The following GIGYF2 variants were observed in gnomAD, a reference collection of about 807,000 sequenced individuals.
The protein encoded by GIGYF2 is GRB10 interacting GYF protein 2.
In GIGYF2, 25 loss-of-function variants were observed where a neutral mutation model predicts 208.1. The ratio of observed to expected loss-of-function variants is 0.12; its 90% confidence interval spans 0.09 to 0.17. GIGYF2 has a LOEUF of 0.17. Among genes scored for constraint, GIGYF2 ranks in the 10% least tolerant of loss-of-function variants. The pLI is 1.00. For missense variants in GIGYF2, 1,302 were observed against 1,579.4 expected (o/e 0.82, Z 2.98); for synonymous variants, 534 against 543.8 (o/e 0.98, Z 0.25).
chr2:232,857,765 A>G lies in GIGYF2; in HGVS notation c.*905A>G, dbSNP rs1263440433. ...GGCAGCTAGAATCTTTACCATATGTATGAATTTGTATAATTTCATTTTTGG... is the reference window on the plus strand; with the variant it reads ...GGCAGCTAGAATCTTTACCATATGTGTGAATTTGTATAATTTCATTTTTGG... On this transcript the variant is annotated 3_prime_UTR_variant, in exon 29 of 29. Coordinates refer to ENST00000373563, the MANE Select transcript of GIGYF2 (RefSeq NM_001103146.3). The G allele has an allele frequency of 6.6e-6, 1 of 152,616 alleles. No homozygotes were observed. Among genetic ancestry groups the G allele is most frequent in the Admixed American group, 6.5e-5 (1 of 15,272 alleles). 9.5% of individuals were successfully genotyped at this position (152,616 alleles called of 1,614,324 possible).
rs1427551330 is a variant in GIGYF2 at position 232,742,260 on chromosome 2, G to A, written c.42-5355G>A. ...GTGTGCCAGTGAAAAAAGAATTGGG[G>A]CTGGGCGCAGTGGCTCACCCCTATA... On this transcript the variant is annotated intron_variant, in intron 3 of 28. Coordinates refer to ENST00000373563, the MANE Select transcript of GIGYF2 (RefSeq NM_001103146.3). 2.0e-5 allele frequency among the ~76,000 whole-genome samples: 3 copies of A among 152,336 alleles called. No homozygotes were observed. In the East Asian group the frequency reaches 5.8e-4, roughly 29 times the overall value.
intron 23 of GIGYF2, chr2:232,842,893 A>C (rs1182002444): frequency 6.6e-6 from 1 of 152,232 alleles, no homozygotes; most frequent in East Asian, 1.9e-4. Context: ...GCCTAACTGC[A>C]CAGAGTGCGG....
intron 8 of GIGYF2, among the ~76,000 whole-genome samples, chr2:232,778,564 G>C (rs1318647410): frequency 6.6e-6 from 1 of 152,058 alleles, no homozygotes; most frequent in African/African-American, 2.4e-5. Flanking sequence ...CTGGTGTAGG[G>C]GAGAGAGAAG....
intron 2 of GIGYF2, among the ~76,000 whole-genome samples, chr2:232,721,721 C>CA (rs1696951384): frequency 6.6e-6 from 1 of 152,142 alleles, no homozygotes; most frequent in Non-Finnish European, 1.5e-5. Context: ...TGCTGTTTGA[C>CA]AATGCATCTC....
Position 232,832,993 on chromosome 2 carries a change from T to C in GIGYF2, c.2666T>C (p.Val889Ala). 6.4e-7 allele frequency: 1 copy of C among 1,574,182 alleles called. No individual in the cohort carries two copies. The highest frequency in any genetic ancestry group is 8.6e-7 in the Non-Finnish European group (1 of 1,159,524). The change falls in exon 22 of 29, where the codon GTC becomes GCC. Residue 889 changes from valine to alanine, a missense_variant. Val to Ala is a moderately conservative substitution (Grantham distance 64). Coordinates refer to ENST00000373563, the MANE Select transcript of GIGYF2 (RefSeq NM_001103146.3). ...GAACGGAAGAGAAAGGAGCTGGAGG[T>C]CCAGCGGCAGAAGGAGTTAATGCGC... ...EEERKRKELE[V>A]QRQKELMRQR...
intron 28 of GIGYF2, among the ~76,000 whole-genome samples, chr2:232,856,589 G>A (rs1690581461): frequency 6.6e-6 from 1 of 152,160 alleles, no homozygotes; most frequent in African/African-American, 2.4e-5. Flanking sequence ...CTACTTGGGA[G>A]TCTACGGCAT....
chr2:232,725,556 G>A (rs1468705817), intron 2 of GIGYF2, among the ~76,000 whole-genome samples: 1 of 152,170 alleles, frequency 6.6e-6, no homozygotes, highest in Non-Finnish European at 1.5e-5. Flanking sequence ...GAATACATAT[G>A]AAGCACTTTG....
intron 2 of GIGYF2, among the ~76,000 whole-genome samples, chr2:232,718,570 A>G (rs916813386): frequency 6.6e-6 from 1 of 152,182 alleles, no homozygotes; most frequent in Non-Finnish European, 1.5e-5. Flanking sequence ...ATATAACTTC[A>G]GTTTCCTTGG....
intron 23 of GIGYF2, among the ~76,000 whole-genome samples, chr2:232,842,439 G>A (rs1387903836): frequency 1.3e-5 from 2 of 151,994 alleles, no homozygotes; most frequent in African/African-American, 4.8e-5. Flanking sequence ...GCCTTTTATT[G>A]TTTCATTAAA....
chr2:232,698,072 G>A (rs564319638), intron 1 of GIGYF2, among the ~76,000 whole-genome samples: 2 of 152,286 alleles, frequency 1.3e-5, no homozygotes, highest in African/African-American at 2.4e-5. Flanking sequence ...AGGTTGAAAT[G>A]GGCATTATCC....
intron 8 of GIGYF2, chr2:232,776,331 G>T: frequency 2.7e-6 from 2 of 738,534 alleles, no homozygotes; most frequent in Non-Finnish European, 4.7e-6. Context: ...TATAGATAAT[G>T]TCTTTGTTTT....
chr2:232,797,489 TTGTGTG>T lies in GIGYF2; in HGVS notation c.1639+1300_1639+1305del, dbSNP rs67221198. Among the ~76,000 whole-genome samples, 1,423 of 145,088 alleles carry T rather than the reference TTGTGTG, an allele frequency of 9.8e-3. 13 individuals are homozygous for T. The highest frequency in any genetic ancestry group is 0.015 in the East Asian group (73 of 4,984). On this transcript the variant is annotated intron_variant, in intron 14 of 28. Transcript: ENST00000373563. ...CTGGTAAGATACACGAGAGCAGGGCTTGTGTGTGTGTGTGTGTGTGTGTGTGTGTGT... is the reference window on the plus strand; with the variant it reads ...CTGGTAAGATACACGAGAGCAGGGCTTGTGTGTGTGTGTGTGTGTGTGTGT...
chr2:232,755,449 T>C (rs1698498817), intron 5 of GIGYF2, among the ~76,000 whole-genome samples: 1 of 152,218 alleles, frequency 6.6e-6, no homozygotes, highest in African/African-American at 2.4e-5. Context: ...ATTACAGGCA[T>C]GAACCACCAC....
In GIGYF2 at chr2:232,738,477, C is replaced by A. The variant is rs184261260; in HGVS notation, c.41+3239C>A. Among the ~76,000 whole-genome samples, 509 of 152,232 alleles carry A rather than the reference C, an allele frequency of 3.3e-3. 5 individuals are homozygous for A. Among genetic ancestry groups the A allele is most frequent in the African/African-American group, 0.012 (495 of 41,536 alleles). Reference sequence around the variant, plus strand: ...TATCTCTCTTCCTTGCTTAATTTTTCTTCATGTTGTGTATCAAAATGTAAC... The same window carrying A: ...TATCTCTCTTCCTTGCTTAATTTTTATTCATGTTGTGTATCAAAATGTAAC... On this transcript the variant is annotated intron_variant, in intron 3 of 28. Transcript: ENST00000373563.
intron 3 of GIGYF2, chr2:232,736,363 C>T (rs1697731337): frequency 4.2e-6 from 1 of 240,436 alleles, no homozygotes; most frequent in Non-Finnish European, 6.7e-6. Context: ...ATCCATGGTA[C>T]ACACTGTAAA....
chr2:232,851,036 A>C (rs1255148370), intron 28 of GIGYF2, among the ~76,000 whole-genome samples: 4 of 152,104 alleles, frequency 2.6e-5, no homozygotes, highest in Non-Finnish European at 5.9e-5. Context: ...TTTATCTAGC[A>C]TTATGGACCA....
At chr2:232,706,858 C>T (rs960267344) in intron 2 of GIGYF2, among the ~76,000 whole-genome samples, 1 of 150,732 alleles carries the variant, frequency 6.6e-6, no homozygotes, top group Non-Finnish European at 1.5e-5. Context: ...ACTTGGGAGG[C>T]TCCCTTAGGC....
intron 2 of GIGYF2, among the ~76,000 whole-genome samples, chr2:232,732,169 G>C (rs1442580862): frequency 2.0e-5 from 3 of 152,098 alleles, no homozygotes; most frequent in Non-Finnish European, 4.4e-5. Context: ...AAATTTAGTC[G>C]TTTGATGCTT....
intron 2 of GIGYF2, chr2:232,724,617 A>G (rs562678934): frequency 2.6e-5 from 4 of 152,060 alleles, no homozygotes; most frequent in South Asian, 4.2e-4. Context: ...CAGTGGTGCT[A>G]TCGTAACTCA....
Sources: gnomAD v4.1 joint callset for allele counts (sites outside exome capture counted in the v4.1 genomes callset) on GRCh38, gnomAD v4.1.1 for gene constraint, MANE v1.5 for transcripts, NCBI Gene and HGNC (gene_info 2026-07-23, HGNC 2026-07-21) for gene names.